Variants in RASSF9 observed in about 807,000 individuals in gnomAD.
The protein encoded by RASSF9 is ras association domain-containing protein 9.
RASSF9 carries 18 observed loss-of-function variants against 21.4 expected under a neutral mutation model. That is an observed-to-expected ratio of 0.84 (90% confidence interval 0.58 to 1.25). RASSF9 has a LOEUF of 1.25. Among genes scored for constraint, RASSF9 ranks in the 50% most tolerant of loss-of-function variants. RASSF9 has a pLI of 0.00. For missense variants in RASSF9, 480 were observed against 503.2 expected, an observed-to-expected ratio of 0.95 and a Z score of 0.44; for synonymous variants, 183 against 179.1, an observed-to-expected ratio of 1.02 and a Z score of -0.18.
rs1329409920 is a variant in RASSF9 at position 85,802,719 on chromosome 12, C to T, written c.*1983G>A. On this transcript the variant is annotated 3_prime_UTR_variant, in exon 2 of 2. Coordinates refer to ENST00000361228, the MANE Select transcript of RASSF9 (RefSeq NM_005447.4). ...AAGAATAATTCAAAGAGATGACTTC[C>T]ACTGTAGGAAAATGATACAATGGGT... is the stretch of plus-strand genomic sequence containing the variant. 2.0e-5 allele frequency: 3 copies of T among 152,008 alleles called. No individual in the cohort carries two copies. In the East Asian group the frequency reaches 5.8e-4, roughly 29 times the overall value. The allele number at this position is 152,008 out of a possible 1,614,324, so 9.4% of individuals were successfully genotyped here. A position where few individuals can be genotyped will look rare whatever the true frequency, so the allele number is the denominator to read the frequency against.
intron 1 of RASSF9, among the ~76,000 whole-genome samples, chr12:85,827,614 T>C (rs1386675309): frequency 1.3e-5 from 2 of 152,176 alleles, no homozygotes; most frequent in Admixed American, 1.3e-4. Flanking sequence ...TCAACTACAT[T>C]CCCTACTCGT....
At chr12:85,820,695 C>A (rs540158731) in intron 1 of RASSF9, among the ~76,000 whole-genome samples, 1 of 152,212 alleles carries the variant, frequency 6.6e-6, no homozygotes, top group East Asian at 1.9e-4. Context: ...CTGATGGGAT[C>A]TCTTACATAA....
At position 85,828,130 on chromosome 12, in the gene RASSF9, A is replaced by G. The variant is rs186192293; in HGVS notation, c.47+8025T>C. 3.0e-4 allele frequency among the ~76,000 whole-genome samples: 45 copies of G among 152,216 alleles called. No individual in the cohort carries two copies. The East Asian group carries it at 6.6e-3, about 22-fold the overall frequency. The stretch of plus-strand genomic sequence containing the variant: ...TCCTTAAAAACCTAATCCATACCTG[A>G]TTTATCATTAATACTTCACAATATA... On this transcript the variant is annotated intron_variant, in intron 1 of 1. Coordinates refer to ENST00000361228, the MANE Select transcript of RASSF9 (RefSeq NM_005447.4).
Position 85,805,918 on chromosome 12 carries a change from A to G in RASSF9, c.92T>C (p.Val31Ala). The G allele has an allele frequency of 6.2e-7, 1 of 1,613,284 alleles. No individual in the cohort carries two copies. The highest frequency in any genetic ancestry group is 8.5e-7 in the Non-Finnish European group (1 of 1,179,490). The change falls in exon 2 of 2, where the codon GTT (valine) becomes GCT (alanine). Residue 31 changes from valine to alanine, a missense_variant. Physicochemically the swap from Val to Ala is moderately conservative, Grantham distance 64 (BLOSUM62 0). Transcript: ENST00000361228. ...DMDSEEKEIV[V>A]WVCQEEKLVC... ...AAGCTTCTCTTCTTGGCAAACCCAAACCACAATTTCCTTCTCTTCTGAATC... is the reference window on the plus strand; with the variant it reads ...AAGCTTCTCTTCTTGGCAAACCCAAGCCACAATTTCCTTCTCTTCTGAATC...
intron 1 of RASSF9, 147 bp from the exon 2 acceptor site, chr12:85,806,109 C>A (rs186197188): frequency 8.8e-6 from 7 of 799,702 alleles, no homozygotes; most frequent in Non-Finnish European, 1.3e-5. Flanking sequence ...TGCAGTGGTG[C>A]GGTCTCAGCT....
chr12:85,824,546 A>AT (rs1410818921), intron 1 of RASSF9, among the ~76,000 whole-genome samples: 1 of 152,122 alleles, frequency 6.6e-6, no homozygotes, highest in East Asian at 1.9e-4. Context: ...CTGCAAATCT[A>AT]TTTTTTAAAT....
At chr12:85,821,658 C>T (rs919992011) in intron 1 of RASSF9, among the ~76,000 whole-genome samples, 6 of 150,620 alleles carry the variant, frequency 4.0e-5, no homozygotes, top group Non-Finnish European at 7.4e-5. Flanking sequence ...TGTGTATATA[C>T]GAGTGTGTGT....
At chr12:85,831,358 G>T (rs1880444771) in intron 1 of RASSF9, among the ~76,000 whole-genome samples, 1 of 151,980 alleles carries the variant, frequency 6.6e-6, no homozygotes, top group Admixed American at 6.6e-5. Context: ...ATTAATTTAA[G>T]TACTTCTCGC....
Position 85,804,684 on chromosome 12 carries a change from AG to A in RASSF9, c.*17del. The A allele has an allele frequency of 6.4e-7, 1 of 1,550,650 alleles. No individual in the cohort carries two copies. The highest frequency in any genetic ancestry group is 8.7e-7 in the Non-Finnish European group (1 of 1,146,426). On this transcript the variant is annotated 3_prime_UTR_variant, in exon 2 of 2. Transcript: ENST00000361228. ...AAACATTAAAACATGAAAGCAGGTC[AG>A]AAAGGAGCCATTGGAACTATGTTGA...
intron 1 of RASSF9, among the ~76,000 whole-genome samples, chr12:85,829,644 T>C (rs1327224698): frequency 6.6e-6 from 1 of 152,084 alleles, no homozygotes; most frequent in Non-Finnish European, 1.5e-5. Flanking sequence ...CCTTCTCTTG[T>C]TCAAGCCTGT....
At chr12:85,829,699 C>T (rs1880408968) in intron 1 of RASSF9, among the ~76,000 whole-genome samples, 1 of 152,048 alleles carries the variant, frequency 6.6e-6, no homozygotes, top group South Asian at 2.1e-4. Context: ...TGATGATGCT[C>T]ATTTTATTTT....
intron 1 of RASSF9, among the ~76,000 whole-genome samples, chr12:85,813,294 A>C (rs751552759): frequency 6.6e-6 from 1 of 151,954 alleles, no homozygotes; most frequent in Non-Finnish European, 1.5e-5. Flanking sequence ...GAAAAAGCTT[A>C]AAATAGTTCT....
chr12:85,825,072 G>A (rs183197591), intron 1 of RASSF9, among the ~76,000 whole-genome samples: 178 of 152,132 alleles, frequency 1.2e-3, no homozygotes, highest in Non-Finnish European at 2.0e-3. Context: ...GTGCGATCTC[G>A]GCTCACTGCA....
chr12:85,826,358 T>C (rs544102041), intron 1 of RASSF9, among the ~76,000 whole-genome samples: 2 of 152,234 alleles, frequency 1.3e-5, no homozygotes, highest in South Asian at 4.1e-4. Context: ...CCATGGTGAC[T>C]CTTGAATCAT....
intron 1 of RASSF9, among the ~76,000 whole-genome samples, chr12:85,828,572 A>C (rs2136563125): frequency 6.6e-6 from 1 of 152,250 alleles, no homozygotes. Flanking sequence ...CATTTTACTT[A>C]ATCTTCTAAA....
At position 85,805,115 on chromosome 12, in the gene RASSF9, TTA is replaced by T. The variant is rs766783581; in HGVS notation, c.893_894del (p.Ile298LysfsTer2). The T allele has an allele frequency of 9.1e-5, 147 of 1,613,832 alleles. No individual in the cohort carries two copies. In the Middle Eastern group the frequency reaches 1.8e-3, roughly 20 times the overall value. On this transcript the variant is annotated frameshift_variant, in exon 2 of 2. Transcript: ENST00000361228. LOFTEE classifies it high-confidence loss of function. ...EKEVKSVCID[I>X]NEDAEGEAAS... is the part of the protein sequence containing the mutation. The stretch of plus-strand genomic sequence containing the variant: ...GCAGCTTCCCCTTCCGCATCTTCAT[TTA>T]TATCAATGCAAACACTTTTTACCTC...
chr12:85,821,466 CATGAAAT>C (rs1272835958), intron 1 of RASSF9, among the ~76,000 whole-genome samples: 1 of 152,098 alleles, frequency 6.6e-6, no homozygotes, highest in African/African-American at 2.4e-5. Flanking sequence ...ATAGATAAAG[CATGAAAT>C]ATAGTGCTAT....
In RASSF9 at chr12:85,801,239, T is replaced by C. The variant is rs2136546373; in HGVS notation, c.*3463A>G. On this transcript the variant is annotated 3_prime_UTR_variant, in exon 2 of 2. Transcript: ENST00000361228. The stretch of plus-strand genomic sequence containing the variant: ...GTAATACTATTATTAAAAATAAACA[T>C]TGATGCCACATTTAAAAAAATCGTA... 6.6e-6 allele frequency: 1 copy of C among 152,272 alleles called. No individual in the cohort carries two copies. Among genetic ancestry groups the C allele is most frequent in the East Asian group, 1.9e-4 (1 of 5,188 alleles). 9.4% of individuals were successfully genotyped at this position (152,272 alleles called of 1,614,324 possible).
rs777382822 is a variant in RASSF9 at position 85,836,147 on chromosome 12, G to A, written c.47+8C>T. The A allele has an allele frequency of 7.1e-6, 11 of 1,539,760 alleles. No homozygotes were observed. The South Asian group carries it at 1.3e-4, about 18-fold the overall frequency. ...CACACACACACTTACTCACACGCTT[G>A]ACTTTACCTGTTTTTATGCCGAGTC... On this transcript the variant is annotated splice_region_variant and intron_variant, in intron 1 of 1. Coordinates refer to ENST00000361228, the MANE Select transcript of RASSF9 (RefSeq NM_005447.4).
Sources: gnomAD v4.1 joint callset for allele counts (sites outside exome capture counted in the v4.1 genomes callset) on GRCh38, gnomAD v4.1.1 for gene constraint, MANE v1.5 for transcripts, NCBI Gene and HGNC (gene_info 2026-07-23, HGNC 2026-07-21) for gene names.